Variants in LRRC9 observed in about 807,000 individuals in gnomAD.
LRRC9 encodes the protein leucine rich repeat containing 9, also known as leucine-rich repeat-containing protein 9.
Under a neutral mutation model 63.2 loss-of-function variants are expected in LRRC9, and 122 were observed. The observed-to-expected ratio is 1.93, with a 90% confidence interval of 1.67 to 2.24. The LOEUF is 2.24. LRRC9 is among the 30% of genes most tolerant of loss of function. The probability of loss-of-function intolerance (pLI) is 0.00; values close to 1 mark genes in which losing one functional copy is unlikely to be tolerated. For missense variants in LRRC9, 1,071 were observed against 627.7 expected (o/e 1.71, Z -7.55); for synonymous variants, 366 against 213.1 (o/e 1.72, Z -6.25).
chr14:60,054,707 ATGTACTT>A (rs1347373184), intron 30 of LRRC9, among the ~76,000 whole-genome samples: 3 of 152,134 alleles, frequency 2.0e-5, no homozygotes, highest in Non-Finnish European at 4.4e-5. Context: ...TGATGAATGC[ATGTACTT>A]TTAAATATTT....
chr14:60,004,401 C>T lies in LRRC9; in HGVS notation c.2842+603C>T, dbSNP rs1889641259. 6.6e-6 allele frequency among the ~76,000 whole-genome samples: 1 copy of T among 151,974 alleles called. No homozygotes were observed. Among genetic ancestry groups the T allele is most frequent in the Admixed American group, 6.6e-5 (1 of 15,244 alleles). ...CACTAGAGGTTGAAAATAAAATATA[C>T]TATATGTAACATTTTCCATGGATCC... On this transcript the variant is annotated intron_variant, in intron 21 of 31. Transcript: ENST00000445360. This position sits in a 1 kb window ranked among gnomAD's most constrained non-coding sequence, Gnocchi z 4.8.
Position 60,063,476 on chromosome 14 carries a change from A to C in LRRC9, c.*68A>C, listed in dbSNP as rs1279247198. 1.2e-5 allele frequency: 8 copies of C among 654,146 alleles called. No homozygotes were observed. In the Admixed American group the frequency reaches 1.8e-4, roughly 15 times the overall value. The allele number at this position is 654,146 out of a possible 1,614,324, so 40.5% of individuals were successfully genotyped here. A position where few individuals can be genotyped will look rare whatever the true frequency, so the allele number is the denominator to read the frequency against. On this transcript the variant is annotated 3_prime_UTR_variant, in exon 32 of 32. Transcript: ENST00000445360. ...AAAAAAAAGATAATCATGTTACTTAAGTTACTGAAGCACTTCAGTTCCATA... is the reference window on the plus strand; with the variant it reads ...AAAAAAAAGATAATCATGTTACTTACGTTACTGAAGCACTTCAGTTCCATA...
At position 59,986,932 on chromosome 14, in the gene LRRC9, T is replaced by C. The variant is rs1431826286; in HGVS notation, c.2211+1708T>C. Among the ~76,000 whole-genome samples, 1 of 152,122 alleles carries C rather than the reference T, an allele frequency of 6.6e-6. No homozygotes were observed. The highest frequency in any genetic ancestry group is 1.5e-5 in the Non-Finnish European group (1 of 68,000). On this transcript the variant is annotated intron_variant, in intron 17 of 31. Transcript: ENST00000445360. The surrounding 1 kb of genome is among the most constrained non-coding windows in gnomAD (Gnocchi z 4.7). The stretch of plus-strand genomic sequence containing the variant: ...ATAGACCTTTCAAATGTCAAGTCTC[T>C]AAAAATGACTCTAAGGATATTAGAG...
chr14:60,011,199 A>G (rs1890232522), intron 23 of LRRC9, among the ~76,000 whole-genome samples: 1 of 152,204 alleles, frequency 6.6e-6, no homozygotes, highest in African/African-American at 2.4e-5. Context: ...TGGCAGATGA[A>G]GGAAGAGCAA....
At chr14:59,955,039 G>A (rs1239294261) in intron 8 of LRRC9, among the ~76,000 whole-genome samples, 2 of 152,150 alleles carry the variant, frequency 1.3e-5, no homozygotes, top group Non-Finnish European at 2.9e-5. Context: ...GCTGGATTTG[G>A]TTTGCCAGTA....
chr14:59,997,896 C>G (rs1888965873), intron 18 of LRRC9, 49 bp downstream of exon 18: 2 of 621,326 alleles, frequency 3.2e-6, no homozygotes, highest in Admixed American at 2.5e-5. Flanking sequence ...ATTTTCAGAG[C>G]CATTTCCCTA....
intron 30 of LRRC9, among the ~76,000 whole-genome samples, chr14:60,056,085 T>C (rs1183870066): frequency 6.6e-6 from 1 of 152,194 alleles, no homozygotes; most frequent in East Asian, 1.9e-4. Flanking sequence ...CTCTCTGACC[T>C]TCTGCCTCCT....
At chr14:60,016,853 T>C (rs1369213378) in intron 24 of LRRC9, 63 bp downstream of exon 24, 1 of 575,788 alleles carries the variant, frequency 1.7e-6, no homozygotes, top group Admixed American at 2.5e-5. Context: ...ATTATCATTT[T>C]TCTGAAGCTT....
intron 8 of LRRC9, among the ~76,000 whole-genome samples, chr14:59,956,009 T>A (rs1335298463): frequency 6.6e-6 from 1 of 152,188 alleles, no homozygotes; most frequent in Non-Finnish European, 1.5e-5. Flanking sequence ...AGGAACTGTT[T>A]GTTATGATTT....
intron 23 of LRRC9, among the ~76,000 whole-genome samples, chr14:60,013,965 T>C (rs569136528): frequency 4.6e-5 from 7 of 152,268 alleles, no homozygotes; most frequent in African/African-American, 1.7e-4. Context: ...TTTATATTTG[T>C]TTCCTTTGTT....
chr14:60,006,580 A>G (rs1205974967), exon 22 of LRRC9: 1 of 696,546 alleles, frequency 1.4e-6, no homozygotes, highest in Non-Finnish European at 2.6e-6. Flanking sequence ...ATAAGCAATA[A>G]CTATATTGCT....
Position 59,958,127 on chromosome 14 carries a change from AGTCT to A in LRRC9, c.883-1687_883-1684del, listed in dbSNP as rs967095029. Among the ~76,000 whole-genome samples, 1 of 152,222 alleles carries A rather than the reference AGTCT, an allele frequency of 6.6e-6. No individual in the cohort carries two copies. The stretch of plus-strand genomic sequence containing the variant: ...GGGTCAGGAACCCACTTGAGCAGGC[AGTCT>A]GTCCCTTAGCAGAGCTGGTGCACTG... On this transcript the variant is annotated intron_variant, in intron 8 of 31. Coordinates refer to ENST00000445360, the Ensembl canonical transcript of LRRC9. The surrounding 1 kb of genome is among the most constrained non-coding windows in gnomAD (Gnocchi z 4.0).
At chr14:60,043,416 C>G (rs1002542835) in intron 29 of LRRC9, among the ~76,000 whole-genome samples, 3 of 152,122 alleles carry the variant, frequency 2.0e-5, no homozygotes, top group Admixed American at 6.5e-5. Flanking sequence ...ATTCATTATG[C>G]TGCTAGTCAT....
At chr14:60,044,105 A>G (rs558836942) in intron 29 of LRRC9, among the ~76,000 whole-genome samples, 1 of 152,072 alleles carries the variant, frequency 6.6e-6, no homozygotes, top group African/African-American at 2.4e-5. Context: ...ATAGTTCATA[A>G]TAGTCTCAAT....
At chr14:59,952,472 C>T (rs965875388) in intron 8 of LRRC9, among the ~76,000 whole-genome samples, 5 of 152,158 alleles carry the variant, frequency 3.3e-5, no homozygotes, top group African/African-American at 4.8e-5. Flanking sequence ...GCGTCGCTCA[C>T]GCTGGGAGCT....
intron 12 of LRRC9, among the ~76,000 whole-genome samples, chr14:59,969,741 C>T (rs899938619): frequency 1.3e-5 from 2 of 152,108 alleles, no homozygotes; most frequent in African/African-American, 4.8e-5. Flanking sequence ...TGGGAGAGTA[C>T]GTAAGTAAAT....
intron 6 of LRRC9, among the ~76,000 whole-genome samples, chr14:59,933,372 C>T (rs993228389): frequency 6.6e-6 from 1 of 152,096 alleles, no homozygotes; most frequent in African/African-American, 2.4e-5. Context: ...TGTAGTAAAT[C>T]TCAATAAACA....
At chr14:59,980,033 G>C (rs1886761501) in intron 15 of LRRC9, among the ~76,000 whole-genome samples, 1 of 151,918 alleles carries the variant, frequency 6.6e-6, no homozygotes, top group South Asian at 2.1e-4. Flanking sequence ...TAATTTTTAA[G>C]AGGTCAGCTC....
At chr14:59,980,417 G>T (rs1886806286) in intron 15 of LRRC9, among the ~76,000 whole-genome samples, 1 of 152,022 alleles carries the variant, frequency 6.6e-6, no homozygotes, top group Admixed American at 6.6e-5. Context: ...ATGTGTGATA[G>T]GGCAAATCCC....
Sources: allele counts gnomAD v4.1 joint callset (sites outside exome capture counted in the v4.1 genomes callset), GRCh38; gene constraint gnomAD v4.1.1; non-coding constraint Gnocchi (gnomAD v3.1); transcripts MANE v1.5; gene names NCBI Gene and HGNC (gene_info 2026-07-23, HGNC 2026-07-21).